Variants in LRRC4C observed in about 807,000 individuals in gnomAD.
The protein encoded by LRRC4C is leucine-rich repeat-containing protein 4C.
A neutral mutation model predicts 33.6 loss-of-function variants in LRRC4C; 5 were observed. The ratio of observed to expected loss-of-function variants is 0.15; its 90% CI spans 0.08 to 0.31. LRRC4C has a LOEUF of 0.31. Among genes scored for constraint, LRRC4C ranks in the 10% least tolerant of loss-of-function variants. The pLI, the probability that LRRC4C is intolerant of heterozygous loss-of-function variation, is 1.00. For missense variants in LRRC4C, 560 were observed against 796.7 expected (o/e 0.70, Z 3.58); for synonymous variants, 329 against 302.0 (o/e 1.09, Z -0.93).
chr11:40,884,282 A>T (rs1955325595), intron 2 of LRRC4C, among the ~76,000 whole-genome samples: 1 of 152,078 alleles, frequency 6.6e-6, no homozygotes, highest in Non-Finnish European at 1.5e-5. Flanking sequence ...CATGGTGTAT[A>T]TGTGCTACAT....
At position 40,204,442 on chromosome 11, in the gene LRRC4C, G is replaced by GC. The variant is rs1051553924; in HGVS notation, c.-96+37076dup. On this transcript the variant is annotated intron_variant, in intron 5 of 6. Coordinates refer to ENST00000528697, the MANE Select transcript of LRRC4C (RefSeq NM_001258419.2). ...ACATGTAATTATAAATCCTTTCTCT[G>GC]CCCCTTTGACATGTAAATCTTTTTA... Among the ~76,000 whole-genome samples the GC allele has an allele frequency of 2.5e-4, 38 of 151,896 alleles. 1 individual carries two copies. Among genetic ancestry groups the GC allele is most frequent in the Non-Finnish European group, 4.4e-5 (3 of 67,982 alleles).
chr11:41,365,746 C>A (rs575853137), intron 1 of LRRC4C, among the ~76,000 whole-genome samples: 1 of 152,240 alleles, frequency 6.6e-6, no homozygotes, highest in East Asian at 1.9e-4. Context: ...CTCACTGTAG[C>A]TAACTAGAAG....
intron 2 of LRRC4C, among the ~76,000 whole-genome samples, chr11:40,847,681 T>C (rs1953254708): frequency 6.6e-6 from 1 of 151,978 alleles, no homozygotes; most frequent in African/African-American, 2.4e-5. Context: ...AAGAGAGGAG[T>C]CCCTCTTTTT....
intron 3 of LRRC4C, among the ~76,000 whole-genome samples, chr11:40,469,535 G>C (rs962263286): frequency 6.6e-6 from 1 of 152,110 alleles, no homozygotes; most frequent in African/African-American, 2.4e-5. Context: ...AGACAGAACT[G>C]TTCACTCCCC....
At chr11:41,109,928 C>G (rs972097955) in intron 1 of LRRC4C, among the ~76,000 whole-genome samples, 3 of 151,928 alleles carry the variant, frequency 2.0e-5, no homozygotes, top group African/African-American at 7.2e-5. Flanking sequence ...GAGATCATTT[C>G]TTGAGACAAT....
intron 3 of LRRC4C, among the ~76,000 whole-genome samples, chr11:40,398,822 A>G (rs1949645685): frequency 6.6e-6 from 1 of 152,112 alleles, no homozygotes; most frequent in African/African-American, 2.4e-5. Context: ...TAAATGGCCT[A>G]CTAATAAGCC....
chr11:40,938,141 C>T lies in LRRC4C; in HGVS notation c.-495-4418G>A, dbSNP rs79158183. Among the ~76,000 whole-genome samples the T allele has an allele frequency of 1.9e-3, 290 of 152,252 alleles. 1 individual carries two copies. The highest frequency in any genetic ancestry group is 6.6e-3 in the African/African-American group (274 of 41,574). Reference sequence around the variant, plus strand: ...TTAAGAATGTTCTTTCAGTAGTTATCCTGCATTGGCAGAAAGGGGCAAAGA... The same window carrying T: ...TTAAGAATGTTCTTTCAGTAGTTATTCTGCATTGGCAGAAAGGGGCAAAGA... On this transcript the variant is annotated intron_variant, in intron 1 of 6. Transcript: ENST00000528697.
At chr11:40,138,331 T>C (rs1001060982) in intron 6 of LRRC4C, among the ~76,000 whole-genome samples, 1 of 152,110 alleles carries the variant, frequency 6.6e-6, no homozygotes, top group Non-Finnish European at 1.5e-5. Flanking sequence ...CTACCACACA[T>C]GGCTGCTTTT....
chr11:41,088,070 A>G (rs1402092301), intron 1 of LRRC4C, among the ~76,000 whole-genome samples: 1 of 152,140 alleles, frequency 6.6e-6, no homozygotes, highest in African/African-American at 2.4e-5. Flanking sequence ...GGCTTGCAAA[A>G]TCATTGGACA....
intron 3 of LRRC4C, among the ~76,000 whole-genome samples, chr11:40,383,161 C>T (rs1948960475): frequency 6.6e-6 from 1 of 152,060 alleles, no homozygotes; most frequent in African/African-American, 2.4e-5. Flanking sequence ...GCATGATGTT[C>T]TTTGGGTCCA....
chr11:40,889,514 CAG>C (rs1191762491), intron 2 of LRRC4C, among the ~76,000 whole-genome samples: 1 of 151,934 alleles, frequency 6.6e-6, no homozygotes, highest in East Asian at 1.9e-4. Context: ...AGAACAAAAA[CAG>C]AGCCATTCTT....
At chr11:40,943,567 G>A (rs1958252727) in intron 1 of LRRC4C, among the ~76,000 whole-genome samples, 1 of 152,100 alleles carries the variant, frequency 6.6e-6, no homozygotes, top group Non-Finnish European at 1.5e-5. Flanking sequence ...CCCAAGAGAG[G>A]TTTTTATTCA....
At chr11:41,032,402 A>G (rs967912722) in intron 1 of LRRC4C, among the ~76,000 whole-genome samples, 1 of 152,030 alleles carries the variant, frequency 6.6e-6, no homozygotes, top group Non-Finnish European at 1.5e-5. Flanking sequence ...CCCAACCTGA[A>G]GGTTCCCTAT....
chr11:41,284,130 G>T (rs1949750804), intron 1 of LRRC4C, among the ~76,000 whole-genome samples: 1 of 152,122 alleles, frequency 6.6e-6, no homozygotes, highest in South Asian at 2.1e-4. Context: ...CAGAAAATAT[G>T]CCAAAATATT....
At chr11:41,047,894 T>G (rs1257437964) in intron 1 of LRRC4C, among the ~76,000 whole-genome samples, 1 of 152,130 alleles carries the variant, frequency 6.6e-6, no homozygotes, top group Non-Finnish European at 1.5e-5. Context: ...TATCCTTCTT[T>G]GCTTTTTGAA....
intron 1 of LRRC4C, among the ~76,000 whole-genome samples, chr11:41,382,002 A>G (rs1156686411): frequency 1.3e-5 from 2 of 151,776 alleles, no homozygotes; most frequent in African/African-American, 2.4e-5. Context: ...CAAAAACAAG[A>G]GAAATAGTAA....
chr11:41,109,006 A>G (rs569324063), intron 1 of LRRC4C, among the ~76,000 whole-genome samples: 1 of 152,082 alleles, frequency 6.6e-6, no homozygotes, highest in African/African-American at 2.4e-5. Flanking sequence ...TCCTTTTTTG[A>G]TATTATTTTT....
intron 4 of LRRC4C, among the ~76,000 whole-genome samples, chr11:40,315,565 G>A (rs1945534890): frequency 6.6e-6 from 1 of 151,774 alleles, no homozygotes; most frequent in Non-Finnish European, 1.5e-5. Context: ...CAGAGCAGCA[G>A]CATTGTGAAA....
intron 1 of LRRC4C, among the ~76,000 whole-genome samples, chr11:41,135,826 A>C (rs1943232658): frequency 6.6e-6 from 1 of 152,012 alleles, no homozygotes; most frequent in African/African-American, 2.4e-5. Context: ...GACTCTTAAC[A>C]CTCCAGAGAT....
Sources: gnomAD v4.1 joint callset for allele counts (sites outside exome capture counted in the v4.1 genomes callset) on GRCh38, gnomAD v4.1.1 for gene constraint, MANE v1.5 for transcripts, NCBI Gene and HGNC (gene_info 2026-07-23, HGNC 2026-07-21) for gene names.